PCNX1: variants seen among roughly 807,000 people sequenced by gnomAD.
PCNX1 encodes the protein pecanex 1.
PCNX1 carries 78 observed loss-of-function variants against 242.2 expected under a neutral mutation model. The observed-to-expected ratio is 0.32, with a 90% CI of 0.27 to 0.39. The LOEUF (loss-of-function observed/expected upper bound fraction) is 0.39. Among genes scored for constraint, PCNX1 ranks in the 10% least tolerant of loss-of-function variants. PCNX1 has a pLI of 1.00. For missense variants in PCNX1, 2,581 were observed against 2,856.5 expected, an observed-to-expected ratio of 0.90 and a Z score of 2.20; for synonymous variants, 1,024 against 1,032.9, an observed-to-expected ratio of 0.99 and a Z score of 0.17.
chr14:71,005,362 G>A, intron 8 of PCNX1, among the ~76,000 whole-genome samples: 1 of 152,070 alleles, frequency 6.6e-6, no homozygotes, highest in East Asian at 1.9e-4. Context: ...TAAAAAGTAA[G>A]CCAGGCACTG....
In PCNX1 at chr14:71,036,045, A is replaced by G; in HGVS notation, c.3775-20A>G. The G allele has an allele frequency of 1.4e-6, 2 of 1,456,066 alleles. No individual in the cohort carries two copies. The highest frequency in any genetic ancestry group is 1.9e-6 in the Non-Finnish European group (2 of 1,049,464). 90.2% of individuals were successfully genotyped at this position (1,456,066 alleles called of 1,614,324 possible). A position where few individuals can be genotyped will look rare whatever the true frequency, so the allele number is the denominator to read the frequency against. On this transcript the variant is annotated intron_variant, in intron 18 of 35. Coordinates refer to ENST00000304743, the MANE Select transcript of PCNX1 (RefSeq NM_014982.3). Reference sequence around the variant, plus strand: ...AAAAATTTTATGTAATTGTTTAATAATTCTTTTTTTTCCCCACAGAGTGAG... The same window carrying G: ...AAAAATTTTATGTAATTGTTTAATAGTTCTTTTTTTTCCCCACAGAGTGAG...
At chr14:70,917,728 A>G (rs1184653796) in intron 1 of PCNX1, among the ~76,000 whole-genome samples, 2 of 152,206 alleles carry the variant, frequency 1.3e-5, no homozygotes, top group Non-Finnish European at 2.9e-5. Context: ...ACTTACAGTC[A>G]CCAGTTGCAT....
chr14:71,044,185 G>GT (rs778107497), intron 19 of PCNX1, among the ~76,000 whole-genome samples: 11 of 152,124 alleles, frequency 7.2e-5, no homozygotes, highest in Non-Finnish European at 1.5e-4. Context: ...CGGATGCTAG[G>GT]TAGGCTAGTC....
chr14:70,982,881 A>G (rs569502073), intron 6 of PCNX1, among the ~76,000 whole-genome samples: 3 of 152,306 alleles, frequency 2.0e-5, no homozygotes, highest in Non-Finnish European at 4.4e-5. Flanking sequence ...CTGTGCCTCA[A>G]TTTCCTCAAC....
Position 70,962,143 on chromosome 14 carries a change from G to T in PCNX1, c.363-83G>T. On this transcript the variant is annotated intron_variant, in intron 2 of 35. Coordinates refer to ENST00000304743, the MANE Select transcript of PCNX1 (RefSeq NM_014982.3). ...GAACCTCTTAGTTTTGTGGAAAAAA[G>T]TATAACTTAAAAAATTAACAAAGGA... 2.3e-6 allele frequency: 2 copies of T among 872,232 alleles called. 1 individual carries two copies. The highest frequency in any genetic ancestry group is 3.0e-5 in the South Asian group (2 of 65,684). The allele number at this position is 872,232 out of a possible 1,614,324, so 54.0% of individuals were successfully genotyped here. A position where few individuals can be genotyped will look rare whatever the true frequency, so the allele number is the denominator to read the frequency against.
chr14:71,012,913 T>C lies in PCNX1; in HGVS notation c.2779-72T>C, dbSNP rs890282842. The C allele has an allele frequency of 4.0e-6, 4 of 989,518 alleles. No homozygotes were observed. In the African/African-American group the frequency reaches 6.5e-5, roughly 16 times the overall value. 61.3% of individuals were successfully genotyped at this position (989,518 alleles called of 1,614,324 possible). On this transcript the variant is annotated intron_variant, in intron 10 of 35. Transcript: ENST00000304743. ...GAGTAACTGTTGAATTATGAAGATA[T>C]TTTATTTTGAATAAACATATTAAAT...
intron 24 of PCNX1, among the ~76,000 whole-genome samples, chr14:71,052,704 A>T (rs1489916739): frequency 6.6e-6 from 1 of 152,132 alleles, no homozygotes; most frequent in Non-Finnish European, 1.5e-5. Context: ...TCTAAAGCTA[A>T]ATTTTTATAG....
chr14:71,037,716 A>G (rs1042815321), intron 19 of PCNX1, among the ~76,000 whole-genome samples: 1 of 152,002 alleles, frequency 6.6e-6, no homozygotes, highest in African/African-American at 2.4e-5. Flanking sequence ...GATTTTTGAA[A>G]AAACTACTTT....
intron 11 of PCNX1, among the ~76,000 whole-genome samples, chr14:71,015,890 G>A (rs1214636451): frequency 6.6e-6 from 1 of 151,936 alleles, no homozygotes; most frequent in Non-Finnish European, 1.5e-5. Context: ...TACAAGGAAG[G>A]TACTTTAAAT....
chr14:71,066,081 G>A (rs920630886), intron 26 of PCNX1, among the ~76,000 whole-genome samples: 25 of 152,316 alleles, frequency 1.6e-4, no homozygotes, highest in African/African-American at 5.3e-4. Context: ...GCTTAGGATT[G>A]TCTTGGCTAT....
At chr14:70,944,493 G>A (rs1454464191) in intron 1 of PCNX1, among the ~76,000 whole-genome samples, 1 of 152,206 alleles carries the variant, frequency 6.6e-6, no homozygotes, top group African/African-American at 2.4e-5. Flanking sequence ...TACCTAGGAA[G>A]TAACTAATTT....
At chr14:70,938,565 A>T (rs2057103831) in intron 1 of PCNX1, among the ~76,000 whole-genome samples, 1 of 152,196 alleles carries the variant, frequency 6.6e-6, no homozygotes, top group Non-Finnish European at 1.5e-5. Context: ...ATCAGTGTTC[A>T]TCAAGGATAT....
chr14:71,004,387 A>G (rs2140444109), intron 8 of PCNX1, among the ~76,000 whole-genome samples: 1 of 152,318 alleles, frequency 6.6e-6, no homozygotes, highest in South Asian at 2.1e-4. Context: ...CGGAGCGAGC[A>G]TTTCTGCCTG....
chr14:70,947,090 G>C lies in PCNX1; in HGVS notation c.329G>C (p.Cys110Ser), dbSNP rs1157070679. Residue 110 changes from cysteine (C) to serine (S), a missense_variant, in exon 2 of 36, where the codon TGT becomes TCT. Physicochemically the swap from Cys to Ser is moderately radical, Grantham distance 112. Around this residue, in one of 9 missense-constraint regions of PCNX1, gnomAD observed 1,204 missense variants for 1,216.7 expected, o/e 0.99. Transcript: ENST00000304743. ...CGAACCAAAGCTGAACAAGGCAACT[G>C]TTCAACCAGGAGAAAAGACAGCAAT... is the stretch of plus-strand genomic sequence containing the variant. Reference protein sequence around the residue: ...DQRTKAEQGNCSTRRKDSNGP... With the variant: ...DQRTKAEQGNSSTRRKDSNGP... The C allele has an allele frequency of 1.2e-6, 2 of 1,612,540 alleles. No homozygotes were observed. Among genetic ancestry groups the C allele is most frequent in the Admixed American group, 3.3e-5 (2 of 59,730 alleles).
At chr14:70,908,278 T>A (rs2055658188) in intron 1 of PCNX1, among the ~76,000 whole-genome samples, 1 of 151,834 alleles carries the variant, frequency 6.6e-6, no homozygotes, top group African/African-American at 2.4e-5. Flanking sequence ...CTTCTCGGGG[T>A]TCCCTCCTGC....
chr14:71,023,018 A>G (rs964290787), intron 12 of PCNX1, among the ~76,000 whole-genome samples, 182 bp from the exon 13 acceptor site: 2 of 152,082 alleles, frequency 1.3e-5, no homozygotes, highest in African/African-American at 4.8e-5. Context: ...ATATGTTTTT[A>G]ATATCACAGT....
intron 8 of PCNX1, among the ~76,000 whole-genome samples, chr14:70,998,876 G>A (rs929365646): frequency 6.6e-6 from 1 of 151,680 alleles, no homozygotes; most frequent in Non-Finnish European, 1.5e-5. Flanking sequence ...GATGAGTTTT[G>A]GAAGTTAATA....
intron 28 of PCNX1, among the ~76,000 whole-genome samples, chr14:71,084,466 A>G (rs1157839315): frequency 6.6e-6 from 1 of 152,156 alleles, no homozygotes; most frequent in Non-Finnish European, 1.5e-5. Flanking sequence ...CCCTTCCCCC[A>G]GGTGCTCTGT....
intron 2 of PCNX1, among the ~76,000 whole-genome samples, chr14:70,947,490 C>T (rs2057503758): frequency 6.6e-6 from 1 of 152,188 alleles, no homozygotes; most frequent in African/African-American, 2.4e-5. Context: ...TTTCTTACGC[C>T]TGTCTTTACT....
Sources: gnomAD v4.1 joint callset for allele counts (sites outside exome capture counted in the v4.1 genomes callset) on GRCh38, gnomAD v4.1.1 for gene constraint, gnomAD v4.1.1 regional missense constraint, MANE v1.5 for transcripts, NCBI Gene and HGNC (gene_info 2026-07-23, HGNC 2026-07-21) for gene names.